Variants in ADAMTSL1 observed in about 807,000 individuals in gnomAD.
ADAMTSL1 encodes the protein ADAMTS like 1.
Under a neutral mutation model 201.8 loss-of-function variants are expected in ADAMTSL1, and 126 were observed. That is an observed-to-expected ratio of 0.62 (90% CI 0.54 to 0.72). The LOEUF (loss-of-function observed/expected upper bound fraction) is 0.72, where lower values mean the gene tolerates loss of function less well. Among genes scored for constraint, ADAMTSL1 ranks in the 30% least tolerant of loss-of-function variants. The pLI is 0.00. For synonymous variants in ADAMTSL1, 1,121 were observed against 903.4 expected, an observed-to-expected ratio of 1.24 and a Z score of -4.32; for missense variants, 2,679 against 2,277.8, an observed-to-expected ratio of 1.18 and a Z score of -3.59.
At chr9:18,083,896 T>G (rs1432989413) in intron 1 of ADAMTSL1, among the ~76,000 whole-genome samples, 1 of 152,200 alleles carries the variant, frequency 6.6e-6, no homozygotes, top group Non-Finnish European at 1.5e-5. Context: ...TTGCCCCAGT[T>G]CTTGTTTCCG....
At chr9:18,747,184 A>T (rs1819195871) in intron 15 of ADAMTSL1, among the ~76,000 whole-genome samples, 1 of 152,170 alleles carries the variant, frequency 6.6e-6, no homozygotes, top group Non-Finnish European at 1.5e-5. Flanking sequence ...AGGCCGCCTA[A>T]GTTTGAATGC....
chr9:17,983,068 C>CTTTTTTTTT (rs1334217552), intron 1 of ADAMTSL1, among the ~76,000 whole-genome samples: 4 of 97,466 alleles, frequency 4.1e-5, no homozygotes, highest in Non-Finnish European at 6.0e-5. Flanking sequence ...TTCTTTCTTT[C>CTTTTTTTTT]TTTCTTTCTT....
intron 23 of ADAMTSL1, among the ~76,000 whole-genome samples, chr9:18,870,201 T>A (rs951219353): frequency 7.9e-5 from 12 of 152,228 alleles, no homozygotes; most frequent in Admixed American, 7.9e-4. Context: ...ACTGCAGCAT[T>A]TGTATCATCT....
intron 1 of ADAMTSL1, among the ~76,000 whole-genome samples, chr9:18,099,355 A>ATTT (rs397893715): frequency 1.1e-3 from 48 of 45,534 alleles, no homozygotes; most frequent in South Asian, 1.6e-3. Context: ...ATATATATAT[A>ATTT]TTTTTTTTTT....
intron 2 of ADAMTSL1, among the ~76,000 whole-genome samples, chr9:18,428,934 T>C (rs1819358960): frequency 1.3e-5 from 2 of 152,174 alleles, no homozygotes; most frequent in Non-Finnish European, 1.5e-5. Flanking sequence ...AAATTGTCGG[T>C]GTATAAACGT....
At chr9:18,847,150 C>G (rs1481015123) in intron 23 of ADAMTSL1, among the ~76,000 whole-genome samples, 1 of 152,108 alleles carries the variant, frequency 6.6e-6, no homozygotes, top group Non-Finnish European at 1.5e-5. Flanking sequence ...TTAGGACAGA[C>G]AGAAAAGTCA....
chr9:18,204,993 T>C (rs756439904), intron 2 of ADAMTSL1, among the ~76,000 whole-genome samples: 7 of 152,192 alleles, frequency 4.6e-5, no homozygotes, highest in Non-Finnish European at 7.4e-5. Flanking sequence ...AGTGCTATCA[T>C]ACCAAAATAA....
chr9:18,897,941 G>T (rs1483771246), intron 26 of ADAMTSL1, among the ~76,000 whole-genome samples: 1 of 151,846 alleles, frequency 6.6e-6, no homozygotes, highest in Non-Finnish European at 1.5e-5. Flanking sequence ...ATTTTGGGAG[G>T]CCGACGCAGG....
intron 1 of ADAMTSL1, among the ~76,000 whole-genome samples, chr9:17,934,351 A>G (rs936319652): frequency 3.3e-5 from 5 of 152,128 alleles, no homozygotes; most frequent in African/African-American, 1.2e-4. Context: ...CCTACAAGCC[A>G]TATTACTTCC....
At chr9:18,537,180 C>G (rs1819829274) in intron 3 of ADAMTSL1, among the ~76,000 whole-genome samples, 1 of 152,044 alleles carries the variant, frequency 6.6e-6, no homozygotes, top group South Asian at 2.1e-4. Context: ...ACCTTTCATT[C>G]TAATGGAGAA....
intron 1 of ADAMTSL1, among the ~76,000 whole-genome samples, chr9:17,958,688 G>A (rs1030124533): frequency 1.3e-5 from 2 of 152,028 alleles, no homozygotes; most frequent in African/African-American, 4.8e-5. Flanking sequence ...TTGGATTTGT[G>A]TATTAAAACC....
chr9:18,521,801 A>G (rs952791546), intron 2 of ADAMTSL1, among the ~76,000 whole-genome samples: 3 of 152,266 alleles, frequency 2.0e-5, no homozygotes, highest in Non-Finnish European at 4.4e-5. Context: ...AGAACATGAT[A>G]GAATGACATT....
intron 1 of ADAMTSL1, among the ~76,000 whole-genome samples, chr9:18,053,341 TTC>T (rs1000994110): frequency 6.6e-6 from 1 of 151,796 alleles, no homozygotes; most frequent in Non-Finnish European, 1.5e-5. Flanking sequence ...TGCACTTTCA[TTC>T]TCTCTCTCTC....
intron 23 of ADAMTSL1, among the ~76,000 whole-genome samples, chr9:18,845,061 G>C (rs577924870): frequency 1.3e-5 from 2 of 152,296 alleles, no homozygotes; most frequent in African/African-American, 4.8e-5. Context: ...TGCACCCACT[G>C]TCTGGCACTC....
intron 1 of ADAMTSL1, among the ~76,000 whole-genome samples, chr9:17,942,638 C>A (rs1445653564): frequency 6.6e-6 from 1 of 152,162 alleles, no homozygotes; most frequent in Non-Finnish European, 1.5e-5. Flanking sequence ...AACCTGCCAA[C>A]TGTCACCCCT....
intron 23 of ADAMTSL1, among the ~76,000 whole-genome samples, chr9:18,870,668 CA>C (rs781180990): frequency 1.3e-5 from 2 of 148,462 alleles, no homozygotes; most frequent in African/African-American, 4.9e-5. Flanking sequence ...CATTTTCAGG[CA>C]AAAAAAAACA....
At chr9:18,869,064 C>T (rs1403396954) in intron 23 of ADAMTSL1, among the ~76,000 whole-genome samples, 5 of 152,180 alleles carry the variant, frequency 3.3e-5, no homozygotes, top group Non-Finnish European at 1.5e-5. Flanking sequence ...TATACGCAGA[C>T]ATGCACACAA....
intron 2 of ADAMTSL1, among the ~76,000 whole-genome samples, chr9:18,512,651 T>C (rs906003224): frequency 6.6e-6 from 1 of 152,196 alleles, no homozygotes; most frequent in African/African-American, 2.4e-5. Flanking sequence ...CTACTGATTA[T>C]AGTTGCAAGA....
At chr9:18,291,655 A>G (rs1833265433) in intron 2 of ADAMTSL1, among the ~76,000 whole-genome samples, 1 of 132,912 alleles carries the variant, frequency 7.5e-6, no homozygotes, top group Admixed American at 7.7e-5. Flanking sequence ...CCAAAAGACA[A>G]TCTCTCCCCA....
Sources: allele counts gnomAD v4.1 joint callset (sites outside exome capture counted in the v4.1 genomes callset), GRCh38; gene constraint gnomAD v4.1.1; transcripts MANE v1.5; gene names NCBI Gene and HGNC (gene_info 2026-07-23, HGNC 2026-07-21).